KCTD8: variants seen among roughly 807,000 people sequenced by gnomAD.
KCTD8 encodes the protein BTB/POZ domain-containing protein KCTD8.
Under a neutral mutation model 31.5 loss-of-function variants are expected in KCTD8, and 27 were observed. That is an observed-to-expected ratio of 0.86 (90% CI 0.63 to 1.18). KCTD8 has a LOEUF of 1.18. Ranked by LOEUF, KCTD8 falls within the 50% of genes most tolerant of loss-of-function variation. The pLI is 0.00. For missense variants in KCTD8, 658 were observed against 647.7 expected (o/e 1.02, Z -0.17); for synonymous variants, 290 against 280.0 (o/e 1.04, Z -0.36).
chr4:44,399,211 C>A (rs539135088), intron 1 of KCTD8, among the ~76,000 whole-genome samples: 1 of 151,862 alleles, frequency 6.6e-6, no homozygotes. Context: ...ATCCATTAGG[C>A]GAGAACAATT....
At chr4:44,306,466 T>TA (rs1717809281) in intron 1 of KCTD8, among the ~76,000 whole-genome samples, 1 of 152,022 alleles carries the variant, frequency 6.6e-6, no homozygotes, top group South Asian at 2.1e-4. Context: ...ATCTTCACAT[T>TA]TCTTTATCAA....
intron 1 of KCTD8, among the ~76,000 whole-genome samples, chr4:44,298,033 T>G (rs940282334): frequency 2.0e-5 from 3 of 152,182 alleles, no homozygotes; most frequent in African/African-American, 7.2e-5. Flanking sequence ...TTACCTTAGT[T>G]ATCTCTCTGT....
At chr4:44,400,244 G>T (rs763841533) in intron 1 of KCTD8, among the ~76,000 whole-genome samples, 116 of 152,166 alleles carry the variant, frequency 7.6e-4, no homozygotes, top group Non-Finnish European at 9.9e-4. Context: ...AACAACAACT[G>T]CTGAGTGTTT....
At chr4:44,319,730 G>A (rs191466006) in intron 1 of KCTD8, among the ~76,000 whole-genome samples, 5 of 152,106 alleles carry the variant, frequency 3.3e-5, no homozygotes, top group Admixed American at 3.3e-4. Flanking sequence ...GAATTTGGAA[G>A]GCCAAAAAAT....
chr4:44,317,317 G>A (rs1274862093), intron 1 of KCTD8, among the ~76,000 whole-genome samples: 2 of 117,606 alleles, frequency 1.7e-5, no homozygotes, highest in African/African-American at 4.0e-5. Flanking sequence ...TCGGCTCACT[G>A]CAAGCTCCGC....
At chr4:44,290,265 A>G (rs963889103) in intron 1 of KCTD8, among the ~76,000 whole-genome samples, 14 of 152,182 alleles carry the variant, frequency 9.2e-5, no homozygotes, top group African/African-American at 3.4e-4. Context: ...AAAAGGCTTA[A>G]CTATCCTGAT....
intron 1 of KCTD8, among the ~76,000 whole-genome samples, chr4:44,421,000 CT>C (rs1215556475): frequency 6.6e-6 from 1 of 151,780 alleles, no homozygotes; most frequent in Non-Finnish European, 1.5e-5. Context: ...CAGTGACTTT[CT>C]AATAGAAAGG....
chr4:44,330,869 T>C (rs1718575060), intron 1 of KCTD8, among the ~76,000 whole-genome samples: 1 of 151,844 alleles, frequency 6.6e-6, no homozygotes, highest in South Asian at 2.1e-4. Flanking sequence ...TTCAATTAGT[T>C]TTCTGTTTGA....
At chr4:44,422,653 A>G (rs1721243562) in intron 1 of KCTD8, among the ~76,000 whole-genome samples, 1 of 152,132 alleles carries the variant, frequency 6.6e-6, no homozygotes, top group African/African-American at 2.4e-5. Context: ...TTCAGGGTAT[A>G]GTAGAATGAG....
At chr4:44,426,122 A>C (rs930987232) in intron 1 of KCTD8, among the ~76,000 whole-genome samples, 11 of 151,890 alleles carry the variant, frequency 7.2e-5, no homozygotes, top group African/African-American at 2.7e-4. Context: ...ATACATGTCA[A>C]AATGTATGAT....
chr4:44,399,021 C>T (rs1720580011), intron 1 of KCTD8, among the ~76,000 whole-genome samples: 1 of 152,060 alleles, frequency 6.6e-6, no homozygotes, highest in Admixed American at 6.6e-5. Flanking sequence ...TTCAAGAATG[C>T]CTTCATATGT....
chr4:44,347,392 C>T (rs994774953), intron 1 of KCTD8, among the ~76,000 whole-genome samples: 1 of 152,176 alleles, frequency 6.6e-6, no homozygotes, highest in African/African-American at 2.4e-5. Flanking sequence ...TCAGCTTTCA[C>T]TGGCAACTAA....
intron 1 of KCTD8, among the ~76,000 whole-genome samples, chr4:44,275,763 G>A (rs1355249863): frequency 6.6e-6 from 1 of 152,002 alleles, no homozygotes; most frequent in Admixed American, 6.6e-5. Context: ...ATGCCCATGT[G>A]AGGGGCAATA....
chr4:44,368,264 C>A (rs916930589), intron 1 of KCTD8, among the ~76,000 whole-genome samples: 29 of 152,164 alleles, frequency 1.9e-4, no homozygotes, highest in African/African-American at 6.5e-4. Flanking sequence ...GTAGTCCCAG[C>A]TACTTGGGAG....
chr4:44,338,549 A>G (rs1718814672), intron 1 of KCTD8, among the ~76,000 whole-genome samples: 1 of 152,194 alleles, frequency 6.6e-6, no homozygotes, highest in South Asian at 2.1e-4. Flanking sequence ...GTAGTGCTAC[A>G]TGCCTTTTTC....
In KCTD8 at chr4:44,243,855, C is replaced by T. The variant is rs112560892; in HGVS notation, c.962-68605G>A. On this transcript the variant is annotated intron_variant, in intron 1 of 1. Transcript: ENST00000360029. ...TTGTCCATTACTTTGCTTCATCCTTCTAAATATCTTCCCATAGGTTATTCT... is the reference window on the plus strand; with the variant it reads ...TTGTCCATTACTTTGCTTCATCCTTTTAAATATCTTCCCATAGGTTATTCT... Among the ~76,000 whole-genome samples the T allele has an allele frequency of 9.1e-3, 1,384 of 152,298 alleles. 20 individuals are homozygous for T. The highest frequency in any genetic ancestry group is 0.031 in the African/African-American group (1,294 of 41,556).
chr4:44,265,515 C>T (rs944834298), intron 1 of KCTD8, among the ~76,000 whole-genome samples: 1 of 152,188 alleles, frequency 6.6e-6, no homozygotes, highest in African/African-American at 2.4e-5. Context: ...TGTAGTTCCT[C>T]ACCAGCAATG....
chr4:44,247,599 C>T (rs1414386666), intron 1 of KCTD8, among the ~76,000 whole-genome samples: 1 of 151,852 alleles, frequency 6.6e-6, no homozygotes, highest in Non-Finnish European at 1.5e-5. Flanking sequence ...AAACAGTGTA[C>T]CCATTGAACA....
At chr4:44,397,733 C>G (rs1233918600) in intron 1 of KCTD8, among the ~76,000 whole-genome samples, 1 of 152,028 alleles carries the variant, frequency 6.6e-6, no homozygotes, top group African/African-American at 2.4e-5. Context: ...TGAAGTAATT[C>G]TCTAGAAAGA....
Sources: allele counts gnomAD v4.1 joint callset (sites outside exome capture counted in the v4.1 genomes callset), GRCh38; gene constraint gnomAD v4.1.1; transcripts MANE v1.5; gene names NCBI Gene and HGNC (gene_info 2026-07-23, HGNC 2026-07-21).